Variants in SYTL1 observed in about 807,000 individuals in gnomAD.
The protein encoded by SYTL1 is synaptotagmin like 1.
A neutral mutation model predicts 74.6 loss-of-function variants in SYTL1; 53 were observed. The ratio of observed to expected loss-of-function variants is 0.71; its 90% CI spans 0.57 to 0.89. SYTL1 has a LOEUF of 0.89. Among genes scored for constraint, SYTL1 ranks in the 40% least tolerant of loss-of-function variants. The pLI is 0.00. For missense variants in SYTL1, 728 were observed against 768.7 expected (o/e 0.95, Z 0.63); for synonymous variants, 329 against 324.9 (o/e 1.01, Z -0.14).
At position 27,347,399 on chromosome 1, in the gene SYTL1, C is replaced by T. The variant is rs774517563; in HGVS notation, c.192-22C>T. Reference sequence around the variant, plus strand: ...TGTTGCTTGGGTGAGTCATGACAGCCACACCCTCCCCCTTCCTCCAGCAAG... The same window carrying T: ...TGTTGCTTGGGTGAGTCATGACAGCTACACCCTCCCCCTTCCTCCAGCAAG... On this transcript the variant is annotated intron_variant, in intron 2 of 14. Coordinates refer to ENST00000616558, the MANE Select transcript of SYTL1 (RefSeq NM_001193308.2). This position sits in a 1 kb window ranked among gnomAD's most constrained non-coding sequence, Gnocchi z 4.9. 7 of 1,613,772 alleles carry T rather than the reference C, an allele frequency of 4.3e-6. No individual in the cohort carries two copies. The highest frequency in any genetic ancestry group is 4.2e-6 in the Non-Finnish European group (5 of 1,179,984).
chr1:27,353,795 G>A lies in SYTL1; in HGVS notation c.1632G>A (p.Pro544=), dbSNP rs138448143. The change falls in exon 15 of 15, where the codon CCG becomes CCA. Residue 544 remains proline, a synonymous_variant. Transcript: ENST00000616558. ...KQLWQALLEQ[P]CEWVDGLLPL... is the part of the protein sequence containing the mutation. ...TGTGGCAAGCCCTCCTGGAGCAGCC[G>A]TGCGAATGGGTGGATGGCCTTCTAC... 1.7e-5 allele frequency: 28 copies of A among 1,613,902 alleles called. No individual in the cohort carries two copies. The highest frequency in any genetic ancestry group is 2.2e-5 in the South Asian group (2 of 91,092).
In SYTL1 at chr1:27,345,392, A is replaced by G. The variant is rs1303643513; in HGVS notation, c.58A>G (p.Met20Val). The G allele has an allele frequency of 1.3e-6, 2 of 1,555,924 alleles. No individual in the cohort carries two copies. Among genetic ancestry groups the G allele is most frequent in the Non-Finnish European group, 1.7e-6 (2 of 1,149,376 alleles). The part of the protein sequence containing the change: ...EGLWALPSLP[M>V]AHGPKPETEG... ...GCTTTGGGCTCTGCCCTCCCTCCCC[A>G]TGGCGCATGGGCCAAAGCCTGAGAC... Residue 20 changes from methionine (M) to valine (V), a missense_variant, in exon 2 of 15, where the codon ATG (methionine) becomes GTG (valine). Transcript: ENST00000616558. This position sits in a 1 kb window ranked among gnomAD's most constrained non-coding sequence, Gnocchi z 6.0.
At position 27,342,285 on chromosome 1, in the gene SYTL1, G is replaced by A; in HGVS notation, c.-39+135G>A. The A allele has an allele frequency of 1.0e-6, 1 of 979,526 alleles. No individual in the cohort carries two copies. Among genetic ancestry groups the A allele is most frequent in the Non-Finnish European group, 1.2e-6 (1 of 825,654 alleles). 60.7% of individuals were successfully genotyped at this position (979,526 alleles called of 1,614,324 possible). ...TGTCTGGAACTGGAACAGCTGGACAGATGGACAGACCCTCCTCTTGACCAA... is the reference window on the plus strand; with the variant it reads ...TGTCTGGAACTGGAACAGCTGGACAAATGGACAGACCCTCCTCTTGACCAA... On this transcript the variant is annotated intron_variant, in intron 1 of 14. Coordinates refer to ENST00000616558, the MANE Select transcript of SYTL1 (RefSeq NM_001193308.2). The surrounding 1 kb of genome is among the most constrained non-coding windows in gnomAD (Gnocchi z 4.7).
chr1:27,352,354 C>G (rs919894819), intron 13 of SYTL1: 2 of 151,946 alleles, frequency 1.3e-5, no homozygotes, highest in Non-Finnish European at 2.9e-5. Flanking sequence ...AAAAAAAAAC[C>G]TTGGAAACTG....
chr1:27,347,649 C>A lies in SYTL1; in HGVS notation c.340+80C>A. 6.4e-7 allele frequency: 1 copy of A among 1,564,392 alleles called. No homozygotes were observed. Among genetic ancestry groups the A allele is most frequent in the South Asian group, 1.2e-5 (1 of 84,050 alleles). On this transcript the variant is annotated intron_variant, in intron 3 of 14. Transcript: ENST00000616558. The surrounding 1 kb of genome is among the most constrained non-coding windows in gnomAD (Gnocchi z 4.9). ...GTATGTGGACAGGGAGAGAGGACCA[C>A]TAGGGCTCCAGTCCTGGCTGCCCCC...
At position 27,342,588 on chromosome 1, in the gene SYTL1, C is replaced by T. The variant is rs969735853; in HGVS notation, c.-39+438C>T. ...CACCCCACAGCACACAGCCCAGTCACACATACAGCACAGGAGGAAATGCAC... is the reference window on the plus strand; with the variant it reads ...CACCCCACAGCACACAGCCCAGTCATACATACAGCACAGGAGGAAATGCAC... On this transcript the variant is annotated intron_variant, in intron 1 of 14. Coordinates refer to ENST00000616558, the MANE Select transcript of SYTL1 (RefSeq NM_001193308.2). This position sits in a 1 kb window ranked among gnomAD's most constrained non-coding sequence, Gnocchi z 4.7. 3.3e-5 allele frequency among the ~76,000 whole-genome samples: 5 copies of T among 152,198 alleles called. No individual in the cohort carries two copies. The highest frequency in any genetic ancestry group is 1.2e-4 in the African/African-American group (5 of 41,432).
At position 27,350,640 on chromosome 1, in the gene SYTL1, G is replaced by A. The variant is rs950626933; in HGVS notation, c.1006-154G>A. The A allele has an allele frequency of 3.8e-6, 4 of 1,059,600 alleles. No individual in the cohort carries two copies. Among genetic ancestry groups the A allele is most frequent in the Middle Eastern group, 4.3e-4 (2 of 4,696 alleles). 65.6% of individuals were successfully genotyped at this position (1,059,600 alleles called of 1,614,324 possible). A position where few individuals can be genotyped will look rare whatever the true frequency, so the allele number is the denominator to read the frequency against. On this transcript the variant is annotated intron_variant, in intron 10 of 14. Transcript: ENST00000616558. This position sits in a 1 kb window ranked among gnomAD's most constrained non-coding sequence, Gnocchi z 6.3. ...ATCCAGTGTTGTCAGCCTCGTGGTGGGCGTGGTGATAGTGCAGGTCCCCAT... is the reference window on the plus strand; with the variant it reads ...ATCCAGTGTTGTCAGCCTCGTGGTGAGCGTGGTGATAGTGCAGGTCCCCAT...
At position 27,353,707 on chromosome 1, in the gene SYTL1, A is replaced by G. The variant is rs751501324; in HGVS notation, c.1550-6A>G. On this transcript the variant is annotated splice_region_variant and splice_polypyrimidine_tract_variant and intron_variant, in intron 14 of 14. Transcript: ENST00000616558. ...ATGCCCTCAACCCCTGCCCACCCAC[A>G]TCCAGGCAGCAGCTATGGGCTGCAG... The G allele has an allele frequency of 6.2e-7, 1 of 1,611,594 alleles. No individual in the cohort carries two copies. The highest frequency in any genetic ancestry group is 1.1e-5 in the South Asian group (1 of 90,968).
At position 27,345,494 on chromosome 1, in the gene SYTL1, C is replaced by G. The variant is rs757392446; in HGVS notation, c.160C>G (p.Arg54Gly). ...AIAGVLQRDA[R>G]LRQLEEGRVS... ...TGCTGGCGTCCTCCAACGAGATGCC[C>G]GCCTGCGCCAGCTGGAGGAGGGGCG... The change falls in exon 2 of 15, where the codon CGC (arginine) becomes GGC (glycine). Residue 54 changes from arginine (R) to glycine (G), a missense_variant. Physicochemically the swap from Arg to Gly is moderately radical, Grantham distance 125 (BLOSUM62 -2). Transcript: ENST00000616558. This position sits in a 1 kb window ranked among gnomAD's most constrained non-coding sequence, Gnocchi z 6.0. 1 of 1,557,750 alleles carries G rather than the reference C, an allele frequency of 6.4e-7. No individual in the cohort carries two copies.
rs201080443 is a variant in SYTL1, at chr1:27,351,425, G to A, written c.1244-31G>A. ...GGTTTGGGGGCGGTGGACTCCATCCGTGTGCGGGCCTGAGCCGAGCCTCTC... is the reference window on the plus strand; with the variant it reads ...GGTTTGGGGGCGGTGGACTCCATCCATGTGCGGGCCTGAGCCGAGCCTCTC... On this transcript the variant is annotated intron_variant, in intron 12 of 14. Coordinates refer to ENST00000616558, the MANE Select transcript of SYTL1 (RefSeq NM_001193308.2). The surrounding 1 kb of genome is among the most constrained non-coding windows in gnomAD (Gnocchi z 5.0). 6.6e-7 allele frequency: 1 copy of A among 1,508,548 alleles called. No homozygotes were observed. The highest frequency in any genetic ancestry group is 1.4e-5 in the African/African-American group (1 of 72,104). 93.4% of individuals were successfully genotyped at this position (1,508,548 alleles called of 1,614,324 possible).
Position 27,351,183 on chromosome 1 carries a change from C to G in SYTL1, c.1165-75C>G. 4 of 1,490,382 alleles carry G rather than the reference C, an allele frequency of 2.7e-6. No homozygotes were observed. The highest frequency in any genetic ancestry group is 2.7e-6 in the Non-Finnish European group (3 of 1,098,264). The allele number at this position is 1,490,382 out of a possible 1,614,324, so 92.3% of individuals were successfully genotyped here. On this transcript the variant is annotated intron_variant, in intron 11 of 14. Coordinates refer to ENST00000616558, the MANE Select transcript of SYTL1 (RefSeq NM_001193308.2). The surrounding 1 kb of genome is among the most constrained non-coding windows in gnomAD (Gnocchi z 5.0). ...GCCGTCTCTTCTAGCCGCACCCCATCCGGGTCTGCAGACCCCACCCTCCTG... is the reference window on the plus strand; with the variant it reads ...GCCGTCTCTTCTAGCCGCACCCCATGCGGGTCTGCAGACCCCACCCTCCTG...
In SYTL1 at chr1:27,350,819, A is replaced by C. The variant is rs564928774; in HGVS notation, c.1031A>C (p.Gln344Pro). Reference sequence around the variant, plus strand: ...TACTCCGTCCCGCAGGCCGAGCTTCAGGGCCGCGTGCTGAGCCTGTCTGTG... The same window carrying C: ...TACTCCGTCCCGCAGGCCGAGCTTCCGGGCCGCGTGCTGAGCCTGTCTGTG... The part of the protein sequence containing the change: ...LRYSVPQAEL[Q>P]GRVLSLSVWH... Residue 344 changes from glutamine to proline, a missense_variant, in exon 11 of 15, where the codon CAG (glutamine) becomes CCG (proline). Gln to Pro is a moderately conservative substitution (Grantham distance 76, BLOSUM62 -1). Coordinates refer to ENST00000616558, the MANE Select transcript of SYTL1 (RefSeq NM_001193308.2). The surrounding 1 kb of genome is among the most constrained non-coding windows in gnomAD (Gnocchi z 6.3). 44 of 1,613,750 alleles carry C rather than the reference A, an allele frequency of 2.7e-5. No homozygotes were observed. The South Asian group carries it at 4.7e-4, about 17-fold the overall frequency.
At position 27,350,582 on chromosome 1, in the gene SYTL1, G is replaced by A. The variant is rs2015223764; in HGVS notation, c.1005+97G>A. The stretch of plus-strand genomic sequence containing the variant: ...AGGGCAGCCAGTAACGTCATTGCCC[G>A]GAGGATCGGCGGAGGGGGCCCATTA... On this transcript the variant is annotated intron_variant, in intron 10 of 14. Transcript: ENST00000616558. The surrounding 1 kb of genome is among the most constrained non-coding windows in gnomAD (Gnocchi z 6.3). 13 of 1,177,068 alleles carry A rather than the reference G, an allele frequency of 1.1e-5. No homozygotes were observed. Among genetic ancestry groups the A allele is most frequent in the African/African-American group, 1.5e-5 (1 of 66,250 alleles). The allele number at this position is 1,177,068 out of a possible 1,614,324, so 72.9% of individuals were successfully genotyped here.
chr1:27,353,313 C>G lies in SYTL1; in HGVS notation c.1374C>G (p.Ser458Arg). The G allele has an allele frequency of 6.2e-7, 1 of 1,603,840 alleles. No individual in the cohort carries two copies. The highest frequency in any genetic ancestry group is 8.5e-7 in the Non-Finnish European group (1 of 1,175,508). Residue 458 changes from serine (S) to arginine (R), a missense_variant, in exon 14 of 15, where the codon AGC becomes AGG. Ser to Arg is a moderately radical substitution (Grantham distance 110). Transcript: ENST00000616558. ...TGCTGCCTGATGACAGCCAGGCCAGCCGCCAGCGTACAAGGGTTGTGCGAC... is the reference window on the plus strand; with the variant it reads ...TGCTGCCTGATGACAGCCAGGCCAGGCGCCAGCGTACAAGGGTTGTGCGAC... ...CFVLPDDSQA[S>R]RQRTRVVRRS...
At position 27,353,344 on chromosome 1, in the gene SYTL1, C is replaced by T. The variant is rs1192416140; in HGVS notation, c.1405C>T (p.Leu469Phe). The T allele has an allele frequency of 1.9e-6, 3 of 1,610,206 alleles. No individual in the cohort carries two copies. The highest frequency in any genetic ancestry group is 1.7e-6 in the Non-Finnish European group (2 of 1,178,660). Reference protein sequence around the residue: ...RQRTRVVRRSLSPVFNHTMVY... With the variant: ...RQRTRVVRRSFSPVFNHTMVY... ...GCGTACAAGGGTTGTGCGACGCAGC[C>T]TCAGCCCTGTGTTCAATCACACCAT... Residue 469 changes from leucine (L) to phenylalanine (F), a missense_variant, in exon 14 of 15, where the codon CTC becomes TTC. Physicochemically the swap from Leu to Phe is conservative, Grantham distance 22. Coordinates refer to ENST00000616558, the MANE Select transcript of SYTL1 (RefSeq NM_001193308.2).
Position 27,351,506 on chromosome 1 carries a change from C to T in SYTL1, c.1294C>T (p.Arg432Trp), listed in dbSNP as rs769725131. The change falls in exon 13 of 15, where the codon CGG (arginine) becomes TGG (tryptophan). Residue 432 changes from arginine (R) to tryptophan (W), a missense_variant. Arg to Trp is a moderately radical substitution (Grantham distance 101, BLOSUM62 -3). Transcript: ENST00000616558. This position sits in a 1 kb window ranked among gnomAD's most constrained non-coding sequence, Gnocchi z 5.0. Reference sequence around the variant, plus strand: ...GCTGCACTTCTGGGTGAAGGAGGCTCGGGACCTCCTGCCGCTGCGGGCAGG... The same window carrying T: ...GCTGCACTTCTGGGTGAAGGAGGCTTGGGACCTCCTGCCGCTGCGGGCAGG... Reference protein sequence around the residue: ...GELHFWVKEARDLLPLRAGSL... With the variant: ...GELHFWVKEAWDLLPLRAGSL... The T allele has an allele frequency of 3.9e-6, 6 of 1,549,010 alleles. No individual in the cohort carries two copies. Among genetic ancestry groups the T allele is most frequent in the Middle Eastern group, 1.7e-4 (1 of 5,988 alleles).
intron 2 of SYTL1, among the ~76,000 whole-genome samples, chr1:27,346,177 C>T (rs191641480): frequency 7.3e-4 from 111 of 152,264 alleles, no homozygotes; most frequent in Middle Eastern, 3.4e-3. Flanking sequence ...CCTGGTCGGT[C>T]CTTGCCAGCC....
Position 27,351,081 on chromosome 1 carries a change from C to A in SYTL1, c.1164+129C>A. 7.4e-7 allele frequency: 1 copy of A among 1,351,288 alleles called. No individual in the cohort carries two copies. The highest frequency in any genetic ancestry group is 1.0e-6 in the Non-Finnish European group (1 of 995,270). The allele number at this position is 1,351,288 out of a possible 1,614,324, so 83.7% of individuals were successfully genotyped here. On this transcript the variant is annotated intron_variant, in intron 11 of 14. Coordinates refer to ENST00000616558, the MANE Select transcript of SYTL1 (RefSeq NM_001193308.2). This position sits in a 1 kb window ranked among gnomAD's most constrained non-coding sequence, Gnocchi z 5.0. ...TCCCCTCAACCTCTTAACCTCATGG[C>A]CCCAGGCGAAGCCCGGCCGGCCACG...
Position 27,350,008 on chromosome 1 carries a change from G to A in SYTL1, c.784G>A (p.Glu262Lys), listed in dbSNP as rs1218195047. ...CCAGATGAGCCTGTCAGGCGACGCG[G>A]AGGCGGTGCAGGTCCGCGGCTCCGT... Reference protein sequence around the residue: ...GSQMSLSGDAEAVQVRGSVHF... With the variant: ...GSQMSLSGDAKAVQVRGSVHF... Residue 262 changes from glutamate to lysine, a missense_variant, in exon 9 of 15, where the codon GAG (glutamate) becomes AAG (lysine). By Grantham distance (56) the Glu-to-Lys change is moderately conservative. Transcript: ENST00000616558. This position sits in a 1 kb window ranked among gnomAD's most constrained non-coding sequence, Gnocchi z 6.3. The A allele has an allele frequency of 1.3e-6, 2 of 1,563,652 alleles. No individual in the cohort carries two copies. The highest frequency in any genetic ancestry group is 4.8e-5 in the East Asian group (2 of 42,034).
Sources: gnomAD v4.1 joint callset for allele counts (sites outside exome capture counted in the v4.1 genomes callset) on GRCh38, gnomAD v4.1.1 for gene constraint, Gnocchi (gnomAD v3.1) non-coding constraint, MANE v1.5 for transcripts, NCBI Gene and HGNC (gene_info 2026-07-23, HGNC 2026-07-21) for gene names.